GALNT13: variants seen among roughly 807,000 people sequenced by gnomAD.
GALNT13 encodes polypeptide N-acetylgalactosaminyltransferase 13, also known as UDP-GalNAc:polypeptide N-acetylgalactosaminyltransferase 13.
GALNT13 carries 28 observed loss-of-function variants against 64.2 expected under a neutral mutation model. That is an observed-to-expected ratio of 0.44 (90% CI 0.32 to 0.60). The LOEUF is 0.60. Ranked by LOEUF, GALNT13 falls within the 20% of genes least tolerant of loss-of-function variation. The pLI is 0.05. For synonymous variants in GALNT13, 214 were observed against 224.6 expected, an observed-to-expected ratio of 0.95 and a Z score of 0.42; for missense variants, 577 against 669.8, an observed-to-expected ratio of 0.86 and a Z score of 1.53.
At chr2:154,383,904 T>C (rs1036130199) in intron 9 of GALNT13, among the ~76,000 whole-genome samples, 14 of 151,738 alleles carry the variant, frequency 9.2e-5, no homozygotes, top group African/African-American at 2.9e-4. Flanking sequence ...CATACATATA[T>C]ATGTGTGTCA....
At chr2:154,099,510 A>T (rs181024918) in intron 3 of GALNT13, among the ~76,000 whole-genome samples, 23 of 152,164 alleles carry the variant, frequency 1.5e-4, no homozygotes, top group African/African-American at 5.5e-4. Context: ...CACCCAGAAG[A>T]GTTTTTCCTA....
At chr2:153,991,071 G>A (rs188566824) in intron 3 of GALNT13, among the ~76,000 whole-genome samples, 2 of 152,248 alleles carry the variant, frequency 1.3e-5, no homozygotes, top group South Asian at 2.1e-4. Context: ...GAGAAGCTGG[G>A]CAGCTTTATA....
chr2:154,093,407 A>G (rs1337212865), intron 3 of GALNT13, among the ~76,000 whole-genome samples: 1 of 151,970 alleles, frequency 6.6e-6, no homozygotes, highest in Non-Finnish European at 1.5e-5. Flanking sequence ...AGTACAGTTC[A>G]ACAATATTTA....
chr2:153,634,313 A>C, the GALNT13 span, among the ~76,000 whole-genome samples: 1 of 152,148 alleles, frequency 6.6e-6, no homozygotes, highest in Admixed American at 6.6e-5. Context: ...ACTTTTGTTG[A>C]AAATTGTATG....
At chr2:153,746,938 C>T in the GALNT13 span, among the ~76,000 whole-genome samples, 1 of 151,766 alleles carries the variant, frequency 6.6e-6, no homozygotes, top group Admixed American at 6.6e-5. Context: ...TGTTTGGTTG[C>T]CTATTGTTTT....
At chr2:153,448,834 T>A in the GALNT13 span, among the ~76,000 whole-genome samples, 1 of 152,172 alleles carries the variant, frequency 6.6e-6, no homozygotes, top group East Asian at 1.9e-4. Context: ...TAAACTCATA[T>A]GTTGAAGCCC....
At chr2:153,758,864 T>C in the GALNT13 span, among the ~76,000 whole-genome samples, 1 of 152,202 alleles carries the variant, frequency 6.6e-6, no homozygotes, top group Admixed American at 6.5e-5. Flanking sequence ...AGTGCTGGGA[T>C]TACAGGCATG....
chr2:153,479,832 A>G, the GALNT13 span, among the ~76,000 whole-genome samples: 1 of 152,154 alleles, frequency 6.6e-6, no homozygotes, highest in Non-Finnish European at 1.5e-5. Flanking sequence ...TTCCAACGAA[A>G]TTCTATAAAC....
the GALNT13 span, among the ~76,000 whole-genome samples, chr2:153,853,757 C>T: frequency 1.3e-3 from 196 of 149,256 alleles, no homozygotes; most frequent in Admixed American, 4.0e-3. Flanking sequence ...TATAATTATA[C>T]AATTATATAA....
chr2:154,180,749 T>C (rs914970769), intron 4 of GALNT13, among the ~76,000 whole-genome samples: 7 of 152,132 alleles, frequency 4.6e-5, no homozygotes, highest in Non-Finnish European at 8.8e-5. Flanking sequence ...ATGGTAGTTG[T>C]TTTATTTTTA....
chr2:153,196,161 G>A, the GALNT13 span, among the ~76,000 whole-genome samples: 1 of 152,188 alleles, frequency 6.6e-6, no homozygotes, highest in Non-Finnish European at 1.5e-5. Flanking sequence ...CTTGGGACTA[G>A]CAGCGCAAAC....
the GALNT13 span, among the ~76,000 whole-genome samples, chr2:153,835,271 G>A: frequency 6.6e-6 from 1 of 152,104 alleles, no homozygotes; most frequent in South Asian, 2.1e-4. Flanking sequence ...CAGGGTCATG[G>A]TGGTTAATCT....
At chr2:153,190,055 T>A in the GALNT13 span, among the ~76,000 whole-genome samples, 3 of 152,162 alleles carry the variant, frequency 2.0e-5, no homozygotes, top group African/African-American at 7.2e-5. Context: ...CTCTTCACTT[T>A]GTTGATTATT....
At chr2:153,823,659 A>G in the GALNT13 span, among the ~76,000 whole-genome samples, 1 of 152,244 alleles carries the variant, frequency 6.6e-6, no homozygotes, top group African/African-American at 2.4e-5. Context: ...ATACCACTGT[A>G]AAAACATTTT....
At chr2:154,298,573 A>ATTGTATATATAATTTATATATAC (rs1693117050) in intron 8 of GALNT13, among the ~76,000 whole-genome samples, 9 of 10,988 alleles carry the variant, frequency 8.2e-4, no homozygotes, top group African/African-American at 1.9e-3. Flanking sequence ...TTTATATATA[A>ATTGTATATATAATTTATATATAC]ATTGTATATA....
chr2:153,342,453 A>C, the GALNT13 span, among the ~76,000 whole-genome samples: 3,435 of 152,332 alleles, frequency 0.023, 136 homozygotes, highest in African/African-American at 0.076. Context: ...AGTGGTGTTC[A>C]ATATGTTGGG....
the GALNT13 span, among the ~76,000 whole-genome samples, chr2:153,396,565 C>G: frequency 6.6e-6 from 1 of 151,850 alleles, no homozygotes. Flanking sequence ...ATAAAATAAT[C>G]AGCATACATA....
the GALNT13 span, among the ~76,000 whole-genome samples, chr2:153,489,980 T>TACAAACACACACACACACACACAC: frequency 6.8e-6 from 1 of 147,872 alleles, no homozygotes; most frequent in Non-Finnish European, 1.5e-5. Flanking sequence ...GGCCCTGTTT[T>TACAAACACACACACACACACACAC]ACACACACAC....
the GALNT13 span, among the ~76,000 whole-genome samples, chr2:153,533,594 T>C: frequency 1.3e-5 from 2 of 151,882 alleles, no homozygotes; most frequent in Non-Finnish European, 2.9e-5. Flanking sequence ...TTGGAAAATG[T>C]TATTAATTTG....
Sources: gnomAD v4.1 joint callset for allele counts (sites outside exome capture counted in the v4.1 genomes callset) on GRCh38, gnomAD v4.1.1 for gene constraint, MANE v1.5 for transcripts, NCBI Gene and HGNC (gene_info 2026-07-23, HGNC 2026-07-21) for gene names.